Variants in MAP7 observed in about 807,000 individuals in gnomAD.
MAP7 encodes microtubule associated protein 7.
In MAP7, 52 loss-of-function variants were observed where a neutral mutation model predicts 94.8. The ratio of observed to expected loss-of-function variants is 0.55; its 90% CI spans 0.44 to 0.69. The LOEUF is 0.69. Among genes scored for constraint, MAP7 ranks in the 30% least tolerant of loss-of-function variants. The probability of loss-of-function intolerance (pLI) is 0.00; values close to 1 mark genes in which losing one functional copy is unlikely to be tolerated. For missense variants in MAP7, 940 were observed against 964.6 expected, an observed-to-expected ratio of 0.97 and a Z score of 0.34; for synonymous variants, 350 against 357.0, an observed-to-expected ratio of 0.98 and a Z score of 0.22.
intron 11 of MAP7, among the ~76,000 whole-genome samples, chr6:136,361,463 G>A (rs1225816374): frequency 1.3e-5 from 2 of 152,194 alleles, no homozygotes; most frequent in African/African-American, 4.8e-5. Context: ...TTTTTTAAAG[G>A]CTCTGACTTG....
chr6:136,481,417 A>G (rs1812808898), intron 1 of MAP7, among the ~76,000 whole-genome samples: 3 of 152,302 alleles, frequency 2.0e-5, no homozygotes, highest in South Asian at 4.1e-4. Flanking sequence ...TGTATGCACA[A>G]TGGAGAACGA....
chr6:136,439,924 C>T (rs981846030), intron 1 of MAP7, among the ~76,000 whole-genome samples: 1 of 152,166 alleles, frequency 6.6e-6, no homozygotes, highest in Admixed American at 6.6e-5. Context: ...TGCCCGGTCT[C>T]GCTCCTTCTT....
At chr6:136,480,666 A>G (rs1337774847) in intron 1 of MAP7, among the ~76,000 whole-genome samples, 1 of 150,316 alleles carries the variant, frequency 6.7e-6, no homozygotes, top group Non-Finnish European at 1.5e-5. Flanking sequence ...AAAAAAAAAA[A>G]AAAGAAAAGA....
chr6:136,389,272 C>A, intron 4 of MAP7, 82 bp downstream of exon 4: 1 of 1,492,944 alleles, frequency 6.7e-7, no homozygotes, highest in Non-Finnish European at 8.9e-7. Context: ...GCACCCTGCA[C>A]CTGACTGCAA....
At chr6:136,442,695 G>A (rs1798230535) in intron 1 of MAP7, among the ~76,000 whole-genome samples, 1 of 152,116 alleles carries the variant, frequency 6.6e-6, no homozygotes, top group African/African-American at 2.4e-5. Flanking sequence ...GTGCTAAAGT[G>A]ATTTTTCACA....
intron 1 of MAP7, among the ~76,000 whole-genome samples, chr6:136,497,797 C>CAAAAAAAA (rs1199112585): frequency 2.8e-4 from 13 of 46,552 alleles, no homozygotes; most frequent in Non-Finnish European, 3.4e-4. Flanking sequence ...GACTCTGTCA[C>CAAAAAAAA]AAAAAAAAAA....
intron 1 of MAP7, among the ~76,000 whole-genome samples, chr6:136,439,854 A>T (rs1797346549): frequency 6.6e-6 from 1 of 152,218 alleles, no homozygotes; most frequent in South Asian, 2.1e-4. Flanking sequence ...CAGTGAAAAG[A>T]GAGCGAGAAG....
intron 1 of MAP7, among the ~76,000 whole-genome samples, chr6:136,476,660 A>G (rs1434089704): frequency 1.3e-5 from 2 of 152,218 alleles, no homozygotes; most frequent in African/African-American, 4.8e-5. Flanking sequence ...TTCATAATCT[A>G]TCACACCTGC....
chr6:136,489,741 C>A (rs1299994909), intron 1 of MAP7, among the ~76,000 whole-genome samples: 2 of 151,936 alleles, frequency 1.3e-5, no homozygotes, highest in African/African-American at 4.8e-5. Flanking sequence ...GTTGGCCGGG[C>A]TGGTCTTGAA....
chr6:136,470,281 G>C (rs1454143045), intron 1 of MAP7, among the ~76,000 whole-genome samples: 1 of 151,862 alleles, frequency 6.6e-6, no homozygotes, highest in Non-Finnish European at 1.5e-5. Context: ...ATTCCATGAG[G>C]TTATGAAATA....
At chr6:136,449,323 G>A (rs546201785) in intron 1 of MAP7, among the ~76,000 whole-genome samples, 2 of 148,568 alleles carry the variant, frequency 1.3e-5, no homozygotes, top group African/African-American at 2.5e-5. Context: ...AAACAAAAAC[G>A]AAAACAAAAC....
intron 1 of MAP7, among the ~76,000 whole-genome samples, chr6:136,437,195 T>G (rs1012694972): frequency 2.6e-5 from 4 of 152,194 alleles, no homozygotes; most frequent in Non-Finnish European, 5.9e-5. Context: ...GAAGTGTTCT[T>G]CCACCCTTTA....
chr6:136,538,070 C>T (rs1036363691), intron 1 of MAP7, among the ~76,000 whole-genome samples: 4 of 152,210 alleles, frequency 2.6e-5, no homozygotes, highest in Admixed American at 1.3e-4. Context: ...GCGTGAGCCA[C>T]CATGCCTGGC....
intron 1 of MAP7, among the ~76,000 whole-genome samples, chr6:136,489,536 T>C (rs1815907315): frequency 7.2e-6 from 1 of 139,624 alleles, no homozygotes; most frequent in Non-Finnish European, 1.5e-5. Flanking sequence ...CTTTTTTTTT[T>C]TTTTTTTTTT....
At chr6:136,543,869 C>T (rs1829516798) in intron 1 of MAP7, among the ~76,000 whole-genome samples, 1 of 151,968 alleles carries the variant, frequency 6.6e-6, no homozygotes, top group Admixed American at 6.6e-5. Context: ...ATTACCTATA[C>T]AGTCAACAAA....
At chr6:136,378,209 C>T (rs1776783488) in intron 6 of MAP7, among the ~76,000 whole-genome samples, 1 of 152,164 alleles carries the variant, frequency 6.6e-6, no homozygotes, top group African/African-American at 2.4e-5. Flanking sequence ...CAGAGTGGTA[C>T]TGTCTGATGG....
At chr6:136,441,052 C>A (rs937323673) in intron 1 of MAP7, among the ~76,000 whole-genome samples, 2 of 152,058 alleles carry the variant, frequency 1.3e-5, no homozygotes, top group Non-Finnish European at 2.9e-5. Flanking sequence ...AATACCATTC[C>A]ATTGGGTATT....
Position 136,503,242 on chromosome 6 carries a change from T to G in MAP7, c.67+47100A>C, listed in dbSNP as rs186805161. Among the ~76,000 whole-genome samples the G allele has an allele frequency of 3.3e-5, 5 of 152,294 alleles. No individual in the cohort carries two copies. In the East Asian group the frequency reaches 9.6e-4, roughly 29 times the overall value. ...TCTGAAAGAAGGCGGCCAACTTAAC[T>G]TTTTATGTACTTTGCTTTTTCTCTG... On this transcript the variant is annotated intron_variant, in intron 1 of 17. Coordinates refer to ENST00000354570, the MANE Select transcript of MAP7 (RefSeq NM_003980.6).
intron 1 of MAP7, among the ~76,000 whole-genome samples, chr6:136,540,578 T>C (rs898960606): frequency 6.6e-6 from 1 of 152,150 alleles, no homozygotes; most frequent in Non-Finnish European, 1.5e-5. Flanking sequence ...TTCAAAAAAG[T>C]CCTGGGGCAA....
Sources: gnomAD v4.1 joint callset for allele counts (sites outside exome capture counted in the v4.1 genomes callset) on GRCh38, gnomAD v4.1.1 for gene constraint, MANE v1.5 for transcripts, NCBI Gene and HGNC (gene_info 2026-07-23, HGNC 2026-07-21) for gene names.